Variants in CDC7 observed in about 807,000 individuals in gnomAD.
CDC7 encodes cell division cycle 7.
CDC7 carries 34 observed loss-of-function variants against 53.5 expected under a neutral mutation model. The observed-to-expected ratio is 0.64, with a 90% CI of 0.48 to 0.85. The LOEUF (loss-of-function observed/expected upper bound fraction) is 0.85, where lower values mean the gene tolerates loss of function less well. CDC7 is among the 40% of genes least tolerant of loss of function. CDC7 has a pLI of 0.00. For synonymous variants in CDC7, 211 were observed against 222.8 expected, an observed-to-expected ratio of 0.95 and a Z score of 0.47; for missense variants, 594 against 679.7, an observed-to-expected ratio of 0.87 and a Z score of 1.40.
intron 4 of CDC7, 113 bp from the exon 5 acceptor site, chr1:91,511,484 C>G (rs1667282627): frequency 1.6e-6 from 1 of 618,010 alleles, no homozygotes; most frequent in Admixed American, 2.7e-5. Flanking sequence ...TGATTTAAGT[C>G]AGTTTTCTAG....
chr1:91,519,715 A>T (rs1667822078), intron 10 of CDC7, among the ~76,000 whole-genome samples: 1 of 152,228 alleles, frequency 6.6e-6, no homozygotes, highest in African/African-American at 2.4e-5. Flanking sequence ...CTTTTCACTA[A>T]AATGAAAGCA....
rs999179694 is a variant in CDC7 at position 91,524,838 on chromosome 1, A to T, written c.*403A>T. 1 of 156,890 alleles carries T rather than the reference A, an allele frequency of 6.4e-6. No homozygotes were observed. Among genetic ancestry groups the T allele is most frequent in the African/African-American group, 2.4e-5 (1 of 41,554 alleles). 9.7% of individuals were successfully genotyped at this position (156,890 alleles called of 1,614,324 possible). ...TCTTTTAGAGTTATGAGCTAGGTAT[A>T]GTTTGGGGAAACTCAACCTGGTGCT... On this transcript the variant is annotated 3_prime_UTR_variant, in exon 12 of 12. Transcript: ENST00000234626.
chr1:91,505,498 T>G (rs1666938850), intron 2 of CDC7, among the ~76,000 whole-genome samples: 1 of 152,180 alleles, frequency 6.6e-6, no homozygotes, highest in African/African-American at 2.4e-5. Context: ...TAAAACCAAC[T>G]TGGATATATT....
intron 2 of CDC7, among the ~76,000 whole-genome samples, chr1:91,505,944 C>G (rs1666962315): frequency 6.6e-6 from 1 of 152,176 alleles, no homozygotes; most frequent in South Asian, 2.1e-4. Context: ...TTAAAAACTT[C>G]CTATAGCTTT....
In CDC7 at chr1:91,524,413, T is replaced by G; in HGVS notation, c.1703T>G (p.Phe568Cys). The G allele has an allele frequency of 6.2e-7, 1 of 1,608,266 alleles. No homozygotes were observed. Among genetic ancestry groups the G allele is most frequent in the Non-Finnish European group, 8.5e-7 (1 of 1,179,102 alleles). Residue 568 changes from phenylalanine (F) to cysteine (C), a missense_variant, in exon 12 of 12, where the codon TTT becomes TGT. Phe to Cys is a radical substitution (Grantham distance 205). Transcript: ENST00000234626. ...ITAEEALLHP[F>C]FKDMSL ...GCAGAAGAAGCTTTGTTGCATCCAT[T>G]TTTTAAAGATATGAGCTTGTGATAA...
intron 8 of CDC7, among the ~76,000 whole-genome samples, chr1:91,514,393 AATC>A (rs770032149): frequency 2.6e-5 from 4 of 152,286 alleles, no homozygotes; most frequent in Non-Finnish European, 5.9e-5. Flanking sequence ...AAGTTAACAA[AATC>A]ATCATCAATG....
intron 2 of CDC7, among the ~76,000 whole-genome samples, chr1:91,505,653 G>A (rs1335671660): frequency 6.6e-6 from 1 of 152,136 alleles, no homozygotes; most frequent in East Asian, 1.9e-4. Context: ...TCATTTGTCT[G>A]TCTTTAGTAC....
chr1:91,524,070 C>T lies in CDC7; in HGVS notation c.1360C>T (p.Pro454Ser). The change falls in exon 12 of 12, where the codon CCA (proline) becomes TCA (serine). Residue 454 changes from proline (P) to serine (S), a missense_variant. Pro to Ser is a moderately conservative substitution (Grantham distance 74). Transcript: ENST00000234626. Reference sequence around the variant, plus strand: ...ATCAATATTATGTAGCAAAGAAGTTCCAGCACAAGACTTGAGAAAACTCTG... The same window carrying T: ...ATCAATATTATGTAGCAAAGAAGTTTCAGCACAAGACTTGAGAAAACTCTG... ...GKSILCSKEV[P>S]AQDLRKLCER... The T allele has an allele frequency of 6.2e-7, 1 of 1,603,004 alleles. No individual in the cohort carries two copies. Among genetic ancestry groups the T allele is most frequent in the East Asian group, 2.2e-5 (1 of 44,698 alleles).
intron 4 of CDC7, among the ~76,000 whole-genome samples, chr1:91,510,378 C>T (rs1209072571): frequency 1.3e-5 from 2 of 151,834 alleles, no homozygotes; most frequent in Non-Finnish European, 2.9e-5. Flanking sequence ...CTGTATTGTC[C>T]ACTAGATAGT....
rs1445579413 is a variant in CDC7 at position 91,507,924 on chromosome 1, C to T, written c.186C>T (p.Asp62=). 1.3e-6 allele frequency: 2 copies of T among 1,559,714 alleles called. No homozygotes were observed. The highest frequency in any genetic ancestry group is 1.9e-5 in the Admixed American group (1 of 52,348). ...PQLSNVFKIE[D]KIGEGTFSSV... ...TTAGTAATGTGTTTAAGATTGAGGA[C>T]AAAATTGGAGAAGGTAATCTGGGGA... The change falls in exon 3 of 12, where the codon GAC becomes GAT. Residue 62 remains aspartate, a synonymous_variant. Coordinates refer to ENST00000234626, the MANE Select transcript of CDC7 (RefSeq NM_003503.4).
intron 7 of CDC7, 99 bp downstream of exon 7, chr1:91,513,406 T>TA: frequency 1.9e-6 from 2 of 1,061,778 alleles, no homozygotes; most frequent in Non-Finnish European, 1.3e-6. Flanking sequence ...ACTTATAATT[T>TA]AAAAAACTTT....
rs1328994289 is a variant in CDC7, at chr1:91,520,195, A to G, written c.1246A>G (p.Lys416Glu). Residue 416 changes from lysine (K) to glutamate (E), a missense_variant, in exon 11 of 12, where the codon AAA becomes GAA. By Grantham distance (56) the Lys-to-Glu change is moderately conservative. Coordinates refer to ENST00000234626, the MANE Select transcript of CDC7 (RefSeq NM_003503.4). Reference protein sequence around the residue: ...SLLSGRYPFYKASDDLTALAQ... With the variant: ...SLLSGRYPFYEASDDLTALAQ... ...GCTTAGTGGACGATATCCATTTTATAAAGCAAGTGATGATTTAACTGCTTT... is the reference window on the plus strand; with the variant it reads ...GCTTAGTGGACGATATCCATTTTATGAAGCAAGTGATGATTTAACTGCTTT... 6.2e-7 allele frequency: 1 copy of G among 1,610,426 alleles called. No individual in the cohort carries two copies. The highest frequency in any genetic ancestry group is 8.5e-7 in the Non-Finnish European group (1 of 1,178,116).
In CDC7 at chr1:91,516,840, G is replaced by A. The variant is rs561905838; in HGVS notation, c.1180+964G>A. Among the ~76,000 whole-genome samples, 178 of 152,188 alleles carry A rather than the reference G, an allele frequency of 1.2e-3. 3 individuals carry two copies. The highest frequency in any genetic ancestry group is 6.8e-3 in the Middle Eastern group (2 of 294). The stretch of plus-strand genomic sequence containing the variant: ...AGCACTTTCGGAGGCTGAGATGGGC[G>A]GATCACCTGAGATCAGGAGTTTGAA... On this transcript the variant is annotated intron_variant, in intron 10 of 11. Transcript: ENST00000234626.
At chr1:91,511,325 C>T (rs941973231) in intron 4 of CDC7, among the ~76,000 whole-genome samples, 18 of 151,998 alleles carry the variant, frequency 1.2e-4, no homozygotes, top group African/African-American at 4.3e-4. Flanking sequence ...TAATCTTTTC[C>T]CTTTTTTCTC....
chr1:91,503,604 ATACT>A (rs1324762400), intron 2 of CDC7, among the ~76,000 whole-genome samples: 1 of 152,210 alleles, frequency 6.6e-6, no homozygotes, highest in Non-Finnish European at 1.5e-5. Context: ...ATAAAGTAAA[ATACT>A]TAGTGTAATG....
intron 11 of CDC7, 49 bp from the exon 12 acceptor site, chr1:91,523,992 A>G: frequency 6.9e-7 from 1 of 1,454,292 alleles, no homozygotes; most frequent in South Asian, 1.3e-5. Flanking sequence ...ATATATTCAA[A>G]TAATAAAATG....
chr1:91,520,088 A>T, intron 10 of CDC7, 42 bp from the exon 11 acceptor site: 1 of 1,476,312 alleles, frequency 6.8e-7, no homozygotes, highest in Non-Finnish European at 9.1e-7. Context: ...TGATAAAATT[A>T]TAGATTTGAA....
In CDC7 at chr1:91,524,500, C is replaced by A. The variant is rs1668160443; in HGVS notation, c.*65C>A. On this transcript the variant is annotated 3_prime_UTR_variant, in exon 12 of 12. Coordinates refer to ENST00000234626, the MANE Select transcript of CDC7 (RefSeq NM_003503.4). ...ATAAAAAAGAATACTTTGTAATAGC[C>A]ACAAGTTCTTGTTTAGAGACCAGAG... The A allele has an allele frequency of 1.6e-6, 2 of 1,263,064 alleles. No homozygotes were observed. Among genetic ancestry groups the A allele is most frequent in the African/African-American group, 1.5e-5 (1 of 66,922 alleles). The allele number at this position is 1,263,064 out of a possible 1,614,324, so 78.2% of individuals were successfully genotyped here.
At chr1:91,505,706 C>T (rs1005435321) in intron 2 of CDC7, among the ~76,000 whole-genome samples, 1 of 152,186 alleles carries the variant, frequency 6.6e-6, no homozygotes, top group Non-Finnish European at 1.5e-5. Context: ...CTGCTTTCTG[C>T]TGTCATTTCC....
Sources: gnomAD v4.1 joint callset for allele counts (sites outside exome capture counted in the v4.1 genomes callset) on GRCh38, gnomAD v4.1.1 for gene constraint, MANE v1.5 for transcripts, NCBI Gene and HGNC (gene_info 2026-07-23, HGNC 2026-07-21) for gene names.